MTRR: variants seen among roughly 807,000 people sequenced by gnomAD.
The protein encoded by MTRR is methionine synthase reductase.
Under a neutral mutation model 79.2 loss-of-function variants are expected in MTRR, and 63 were observed. That is an observed-to-expected ratio of 0.80 (90% CI 0.65 to 0.98). The LOEUF (loss-of-function observed/expected upper bound fraction) is 0.98. Ranked by LOEUF, MTRR falls within the 50% of genes least tolerant of loss-of-function variation. MTRR has a pLI of 0.00. For missense variants in MTRR, 895 were observed against 839.6 expected, an observed-to-expected ratio of 1.07 and a Z score of -0.82; for synonymous variants, 355 against 313.3, an observed-to-expected ratio of 1.13 and a Z score of -1.41.
chr5:7,861,045 T>C lies in MTRR; in HGVS notation n.392-906T>C, dbSNP rs970992109. 11 of 693,036 alleles carry C rather than the reference T, an allele frequency of 1.6e-5. No homozygotes were observed. In the Admixed American group the frequency reaches 2.1e-4, roughly 13 times the overall value. 42.9% of individuals were successfully genotyped at this position (693,036 alleles called of 1,614,324 possible). A position where few individuals can be genotyped will look rare whatever the true frequency, so the allele number is the denominator to read the frequency against. ...ATAATTGCTGCCTGATCAAATTCTT[T>C]AAAATTTTACTGTGCCTCAGATTAC... On this transcript the variant is annotated intron_variant and non_coding_transcript_variant, in intron 1 of 3. Coordinates refer to the MTRR transcript ENST00000502509.
chr5:7,898,211 C>T (rs1038640941), intron 14 of MTRR, among the ~76,000 whole-genome samples: 7 of 152,014 alleles, frequency 4.6e-5, no homozygotes, highest in Non-Finnish European at 8.8e-5. Context: ...CATTTTCCTT[C>T]GCTTTTAATG....
chr5:7,885,948 G>T, intron 7 of MTRR, 94 bp downstream of exon 7: 1 of 1,540,508 alleles, frequency 6.5e-7, no homozygotes, highest in Non-Finnish European at 9.0e-7. Context: ...GGTCCTGTGT[G>T]TTGGCCGCAC....
chr5:7,861,597 T>A, intron 1 of MTRR: 1 of 1,597,350 alleles, frequency 6.3e-7, no homozygotes, highest in Non-Finnish European at 8.5e-7. Context: ...TATGGATATC[T>A]TCATTAGCTG....
rs551079367 is a variant in MTRR at position 7,889,235 on chromosome 5, C to T, written c.1287C>T (p.Leu429=). ...DACACLLDLL[L]AFPSCQPPLS... The stretch of plus-strand genomic sequence containing the variant: ...GTGCCTGCTTGTTGGATCTCCTCCT[C>T]GCTTTCCCTTCTTGCCAGCCACCAC... Residue 429 remains leucine, a synonymous_variant, in exon 9 of 15, where the codon CTC becomes CTT. Transcript: ENST00000440940. 36 of 1,613,232 alleles carry T rather than the reference C, an allele frequency of 2.2e-5. No homozygotes were observed. Among genetic ancestry groups the T allele is most frequent in the East Asian group, 6.7e-5 (3 of 44,886 alleles).
At chr5:7,875,137 G>A (rs550775255) in intron 3 of MTRR, 121 bp from the exon 4 acceptor site, 5 of 769,056 alleles carry the variant, frequency 6.5e-6, no homozygotes, top group Non-Finnish European at 1.2e-5. Flanking sequence ...GTGAAGCTCT[G>A]CATTATTACT....
rs769239524 is a variant in MTRR, at chr5:7,870,775, C to T, written c.-20C>T. ...TTTTTTCCCCCATTTTTCAGTTTCA[C>T]TGTTACATGCCTTGAAGTGATGAGG... On this transcript the variant is annotated 5_prime_UTR_variant, in exon 2 of 15. Transcript: ENST00000440940. The T allele has an allele frequency of 4.3e-6, 7 of 1,614,044 alleles. No individual in the cohort carries two copies. In the Admixed American group the frequency reaches 1.2e-4, roughly 27 times the overall value.
intron 7 of MTRR, 148 bp downstream of exon 7, chr5:7,886,002 G>A: frequency 1.1e-6 from 1 of 936,784 alleles, no homozygotes; most frequent in Non-Finnish European, 1.7e-6. Context: ...GGGAACACAG[G>A]CATACGCTGG....
intron 5 of MTRR, among the ~76,000 whole-genome samples, chr5:7,878,953 C>T (rs986142619): frequency 6.6e-6 from 1 of 152,136 alleles, no homozygotes; most frequent in Non-Finnish European, 1.5e-5. Context: ...GCAGCTATTA[C>T]CAGTTTTAAT....
chr5:7,857,799 G>A (rs556780430), intron 1 of MTRR, among the ~76,000 whole-genome samples: 2 of 152,314 alleles, frequency 1.3e-5, no homozygotes, highest in African/African-American at 4.8e-5. Context: ...TGCTGAATGC[G>A]TACGTGAAGA....
chr5:7,861,065 G>C, intron 1 of MTRR: 2 of 809,370 alleles, frequency 2.5e-6, no homozygotes, highest in Non-Finnish European at 4.1e-6. Flanking sequence ...CTGTGCCTCA[G>C]ATTACTTTTT....
At position 7,900,486 on chromosome 5, in the gene MTRR, G is replaced by A. The variant is rs1739306764; in HGVS notation, c.*428G>A. ...TGAAAATGATTTATTTTTATATGATGTATACCCATAAAGAATGCTCATATT... is the reference window on the plus strand; with the variant it reads ...TGAAAATGATTTATTTTTATATGATATATACCCATAAAGAATGCTCATATT... On this transcript the variant is annotated 3_prime_UTR_variant, in exon 15 of 15. Coordinates refer to ENST00000440940, the MANE Select transcript of MTRR (RefSeq NM_002454.3). 1 of 195,068 alleles carries A rather than the reference G, an allele frequency of 5.1e-6. No homozygotes were observed. Among genetic ancestry groups the A allele is most frequent in the South Asian group, 9.6e-5 (1 of 10,398 alleles). The allele number at this position is 195,068 out of a possible 1,614,324, so 12.1% of individuals were successfully genotyped here.
Position 7,900,240 on chromosome 5 carries a change from T to A in MTRR, c.*182T>A, listed in dbSNP as rs915855838. The A allele has an allele frequency of 1.4e-5, 10 of 701,332 alleles. No homozygotes were observed. The highest frequency in any genetic ancestry group is 2.3e-5 in the Non-Finnish European group (10 of 434,568). The allele number at this position is 701,332 out of a possible 1,614,324, so 43.4% of individuals were successfully genotyped here. A position where few individuals can be genotyped will look rare whatever the true frequency, so the allele number is the denominator to read the frequency against. Reference sequence around the variant, plus strand: ...AAACTTCCTGATTTGATTTTACGTATCTTCTATCTACGCCCTTCCTGTGCC... The same window carrying A: ...AAACTTCCTGATTTGATTTTACGTAACTTCTATCTACGCCCTTCCTGTGCC... On this transcript the variant is annotated 3_prime_UTR_variant, in exon 15 of 15. Transcript: ENST00000440940.
chr5:7,886,995 T>G (rs1387807137), intron 8 of MTRR, among the ~76,000 whole-genome samples: 1 of 152,218 alleles, frequency 6.6e-6, no homozygotes, highest in Non-Finnish European at 1.5e-5. Context: ...TACTAGTTAT[T>G]AACTACGTAG....
intron 1 of MTRR, chr5:7,870,475 G>C: frequency 2.6e-6 from 1 of 385,936 alleles, no homozygotes; most frequent in Admixed American, 3.7e-5. Flanking sequence ...GGATCATTTG[G>C]GGAGCTTGTC....
Position 7,886,708 on chromosome 5 carries a change from T to C in MTRR, c.1146+5T>C. The C allele has an allele frequency of 6.2e-7, 1 of 1,602,044 alleles. No individual in the cohort carries two copies. Among genetic ancestry groups the C allele is most frequent in the Non-Finnish European group, 8.6e-7 (1 of 1,169,018 alleles). ...ATCCGAGCAATTCCTAAAAAGGTAT[T>C]TTTTTCTGTCTTCTTCAGGTAACTA... On this transcript the variant is annotated splice_donor_5th_base_variant and intron_variant, in intron 8 of 14. Coordinates refer to ENST00000440940, the MANE Select transcript of MTRR (RefSeq NM_002454.3).
intron 2 of MTRR, among the ~76,000 whole-genome samples, chr5:7,873,170 G>T (rs192484959): frequency 2.6e-5 from 4 of 152,276 alleles, no homozygotes; most frequent in African/African-American, 9.6e-5. Context: ...CAAAACAGAC[G>T]CATGGTTTCC....
chr5:7,885,888 G>C, intron 7 of MTRR, 34 bp downstream of exon 7: 7 of 1,613,780 alleles, frequency 4.3e-6, no homozygotes, highest in Non-Finnish European at 5.9e-6. Flanking sequence ...TTGGGGTGTT[G>C]TGGGCCAGTG....
Position 7,873,480 on chromosome 5 carries a change from A to G in MTRR, c.237A>G (p.Gln79=). 6.2e-7 allele frequency: 1 copy of G among 1,614,142 alleles called. No individual in the cohort carries two copies. Among genetic ancestry groups the G allele is most frequent in the Non-Finnish European group, 8.5e-7 (1 of 1,180,026 alleles). ...AGTTTGTTAAGGAAATACAGAACCA[A>G]ACACTGCCGGTTGATTTCTTTGCTC... ...ARKFVKEIQN[Q]TLPVDFFAHL... is the part of the protein sequence containing the mutation. Residue 79 remains glutamine, a synonymous_variant, in exon 3 of 15, where the codon CAA becomes CAG. Coordinates refer to ENST00000440940, the MANE Select transcript of MTRR (RefSeq NM_002454.3).
At chr5:7,867,577 C>T, upstream of MTRR, 1 of 1,614,242 alleles carries the variant, frequency 6.2e-7, no homozygotes, top group Non-Finnish European at 8.5e-7. Flanking sequence ...GCTGTGAGGG[C>T]TCCTTTTCAA....
Sources: gnomAD v4.1 joint callset for allele counts (sites outside exome capture counted in the v4.1 genomes callset) on GRCh38, gnomAD v4.1.1 for gene constraint, MANE v1.5 for transcripts, NCBI Gene and HGNC (gene_info 2026-07-23, HGNC 2026-07-21) for gene names.